Variants in SNX3 observed in about 807,000 individuals in gnomAD.
SNX3 encodes sorting nexin-3.
A neutral mutation model predicts 17.7 loss-of-function variants in SNX3; 5 were observed. The ratio of observed to expected loss-of-function variants is 0.28; its 90% CI spans 0.15 to 0.59. The LOEUF is 0.59. Among genes scored for constraint, SNX3 ranks in the 20% least tolerant of loss-of-function variants. The probability of loss-of-function intolerance (pLI) is 0.88; values close to 1 mark genes in which losing one functional copy is unlikely to be tolerated. For missense variants in SNX3, 132 were observed against 206.8 expected, an observed-to-expected ratio of 0.64 and a Z score of 2.22; for synonymous variants, 91 against 76.5, an observed-to-expected ratio of 1.19 and a Z score of -0.99.
chr6:108,253,886 G>A (rs971306812), intron 1 of SNX3, among the ~76,000 whole-genome samples: 3 of 152,110 alleles, frequency 2.0e-5, no homozygotes, highest in East Asian at 3.9e-4. Context: ...AGCACTTTGG[G>A]AGGCCGAGGT....
intron 2 of SNX3, among the ~76,000 whole-genome samples, chr6:108,220,697 G>A (rs1181564863): frequency 6.6e-6 from 1 of 152,114 alleles, no homozygotes; most frequent in Non-Finnish European, 1.5e-5. Flanking sequence ...TATGTTTTGG[G>A]TCAGGCACAG....
intron 1 of SNX3, among the ~76,000 whole-genome samples, chr6:108,238,101 C>CAAAAAA (rs11287104): frequency 1.2e-5 from 1 of 85,430 alleles, no homozygotes; most frequent in African/African-American, 4.7e-5. Context: ...GATCCTGTCT[C>CAAAAAA]AAAAAAAAAA....
chr6:108,245,322 G>C (rs1775651020), intron 1 of SNX3, among the ~76,000 whole-genome samples: 1 of 152,108 alleles, frequency 6.6e-6, no homozygotes, highest in South Asian at 2.1e-4. Context: ...AGTATTCCAC[G>C]GTATATACGT....
At chr6:108,239,304 A>G (rs1775448809) in intron 1 of SNX3, among the ~76,000 whole-genome samples, 1 of 152,076 alleles carries the variant, frequency 6.6e-6, no homozygotes, top group Non-Finnish European at 1.5e-5. Context: ...CAGTACGATC[A>G]TGCCAAATTA....
chr6:108,231,453 C>T (rs1562427601), intron 1 of SNX3, among the ~76,000 whole-genome samples: 1 of 152,220 alleles, frequency 6.6e-6, no homozygotes, highest in African/African-American at 2.4e-5. Flanking sequence ...ATTCAAGACA[C>T]TGACAATAAA....
chr6:108,241,534 C>T (rs1276460053), intron 1 of SNX3, among the ~76,000 whole-genome samples: 4 of 152,074 alleles, frequency 2.6e-5, no homozygotes, highest in South Asian at 2.1e-4. Context: ...CAAGTAGCTA[C>T]GCATAACCTT....
Position 108,214,532 on chromosome 6 carries a change from C to T in SNX3, c.349G>A (p.Glu117Lys). 1 of 1,613,556 alleles carries T rather than the reference C, an allele frequency of 6.2e-7. No individual in the cohort carries two copies. The change falls in exon 3 of 4, where the codon GAA becomes AAA. Residue 117 changes from glutamate (E) to lysine (K), a missense_variant. Around this residue, in one of 2 missense-constraint regions of SNX3, gnomAD observed 54 missense variants for 118.0 expected, o/e 0.46. Transcript: ENST00000230085. ...AACTGCTCCAGCCCTTGTTTTCTTT[C>T]CTCAATAAAATTGTCATCAAATATT... ...DGIFDDNFIE[E>K]RKQGLEQFIN...
In SNX3 at chr6:108,225,291, AAAC is replaced by A. The variant is rs909954090; in HGVS notation, c.163-2249_163-2247del. On this transcript the variant is annotated intron_variant, in intron 1 of 3. Coordinates refer to ENST00000230085, the MANE Select transcript of SNX3 (RefSeq NM_003795.6). The stretch of plus-strand genomic sequence containing the variant: ...AGCGAGACTCCGTCTCCAAAAACAA[AAAC>A]AACAACAAGAAAAAATATGCTAGGC... Among the ~76,000 whole-genome samples the A allele has an allele frequency of 1.2e-4, 18 of 151,588 alleles. 1 individual carries two copies. The highest frequency in any genetic ancestry group is 2.9e-4 in the African/African-American group (12 of 41,296).
chr6:108,213,925 T>C (rs1057246992), intron 3 of SNX3, among the ~76,000 whole-genome samples: 1 of 152,350 alleles, frequency 6.6e-6, no homozygotes, highest in East Asian at 1.9e-4. Flanking sequence ...TCTAACACTC[T>C]GGCTTTCTAT....
In SNX3 at chr6:108,211,337, T is replaced by A. The variant is rs556430361; in HGVS notation, c.*812A>T. 1.3e-5 allele frequency: 2 copies of A among 152,352 alleles called. No homozygotes were observed. The highest frequency in any genetic ancestry group is 3.9e-4 in the East Asian group (2 of 5,194). The allele number at this position is 152,352 out of a possible 1,614,324, so 9.4% of individuals were successfully genotyped here. A position where few individuals can be genotyped will look rare whatever the true frequency, so the allele number is the denominator to read the frequency against. Reference sequence around the variant, plus strand: ...CAATACATTTTTTAGTATATCACTTTTGTTGTTGTTAAAAATACCCCATTC... The same window carrying A: ...CAATACATTTTTTAGTATATCACTTATGTTGTTGTTAAAAATACCCCATTC... On this transcript the variant is annotated 3_prime_UTR_variant, in exon 4 of 4. Coordinates refer to ENST00000230085, the MANE Select transcript of SNX3 (RefSeq NM_003795.6).
intron 1 of SNX3, among the ~76,000 whole-genome samples, chr6:108,238,804 G>T (rs1775431403): frequency 6.6e-6 from 1 of 152,126 alleles, no homozygotes. Flanking sequence ...CATGTTGCAT[G>T]GGGTGGGGGG....
At chr6:108,232,931 T>C (rs1288359523) in intron 1 of SNX3, among the ~76,000 whole-genome samples, 2 of 152,192 alleles carry the variant, frequency 1.3e-5, no homozygotes, top group African/African-American at 2.4e-5. Flanking sequence ...GTCATTTAAA[T>C]GAAGAATAAG....
At chr6:108,227,825 T>TTTTG (rs1554261611) in intron 1 of SNX3, among the ~76,000 whole-genome samples, 1 of 151,858 alleles carries the variant, frequency 6.6e-6, no homozygotes, top group African/African-American at 2.4e-5. Flanking sequence ...GTTTTTTTTT[T>TTTTG]TTGTTGTTGT....
chr6:108,234,604 G>A (rs773760348), intron 1 of SNX3, among the ~76,000 whole-genome samples: 98 of 152,188 alleles, frequency 6.4e-4, no homozygotes, highest in Non-Finnish European at 1.2e-3. Context: ...AGTTTGCATG[G>A]TAGACTTATA....
At chr6:108,253,300 A>G (rs1335454245) in intron 1 of SNX3, among the ~76,000 whole-genome samples, 2 of 151,848 alleles carry the variant, frequency 1.3e-5, no homozygotes, top group Non-Finnish European at 2.9e-5. Flanking sequence ...CTGAGGTAGG[A>G]GGCTCACTTG....
intron 1 of SNX3, among the ~76,000 whole-genome samples, chr6:108,239,250 G>C (rs147102452): frequency 6.6e-6 from 1 of 152,186 alleles, no homozygotes; most frequent in East Asian, 1.9e-4. Context: ...AAATGAATTA[G>C]TCAAGCAGAC....
In SNX3 at chr6:108,214,006, A is replaced by G. The variant is rs114627140; in HGVS notation, c.383+492T>C. On this transcript the variant is annotated intron_variant, in intron 3 of 3. Transcript: ENST00000230085. ...CTAAAAATATTGGTTTGAGCTTATC[A>G]AGAGTTTCTAAAGTAAAAAAGAAAC... Among the ~76,000 whole-genome samples, 1,262 of 152,342 alleles carry G rather than the reference A, an allele frequency of 8.3e-3. 25 individuals carry two copies. The highest frequency in any genetic ancestry group is 0.029 in the African/African-American group (1,203 of 41,576).
intron 2 of SNX3, 61 bp from the exon 3 acceptor site, chr6:108,214,683 C>T (rs942009277): frequency 3.9e-6 from 6 of 1,555,000 alleles, no homozygotes; most frequent in Non-Finnish European, 5.2e-6. Context: ...ATTTATAGAG[C>T]ACAACATGAA....
At chr6:108,260,462 A>G (rs529137917) in intron 1 of SNX3, among the ~76,000 whole-genome samples, 23 of 152,258 alleles carry the variant, frequency 1.5e-4, no homozygotes, top group African/African-American at 5.1e-4. Flanking sequence ...CGAAAGATCT[A>G]CCCCTTTCCA....
Sources: allele counts gnomAD v4.1 joint callset (sites outside exome capture counted in the v4.1 genomes callset), GRCh38; gene constraint gnomAD v4.1.1; regional missense constraint gnomAD v4.1.1; transcripts MANE v1.5; gene names NCBI Gene and HGNC (gene_info 2026-07-23, HGNC 2026-07-21).